ZNF48: variants seen among roughly 807,000 people sequenced by gnomAD.
ZNF48 encodes the protein zinc finger protein 553.
A neutral mutation model predicts 40.0 loss-of-function variants in ZNF48; 20 were observed. The ratio of observed to expected loss-of-function variants is 0.50; its 90% CI spans 0.35 to 0.73. The LOEUF is 0.73. ZNF48 is among the 30% of genes least tolerant of loss of function. The pLI, the probability that ZNF48 is intolerant of heterozygous loss-of-function variation, is 0.01. For missense variants in ZNF48, 726 were observed against 851.9 expected (o/e 0.85, Z 1.84); for synonymous variants, 298 against 329.7 (o/e 0.90, Z 1.04).
In ZNF48 at chr16:30,399,371, G is replaced by A; in HGVS notation, c.*264G>A. The A allele has an allele frequency of 5.3e-6, 2 of 380,302 alleles. No homozygotes were observed. Among genetic ancestry groups the A allele is most frequent in the East Asian group, 4.0e-5 (1 of 24,830 alleles). The allele number at this position is 380,302 out of a possible 1,614,324, so 23.6% of individuals were successfully genotyped here. A position where few individuals can be genotyped will look rare whatever the true frequency, so the allele number is the denominator to read the frequency against. ...ACACAGTAGGCATTCAATACTTGTT[G>A]AATAAATAAACTGGCTTTCACCTAA... On this transcript the variant is annotated 3_prime_UTR_variant, in exon 3 of 3. Coordinates refer to ENST00000613509, the MANE Select transcript of ZNF48 (RefSeq NM_001214909.2).
At chr16:30,389,296 C>T (rs541442692) in intron 1 of ZNF48, among the ~76,000 whole-genome samples, 1 of 151,570 alleles carries the variant, frequency 6.6e-6, no homozygotes, top group East Asian at 1.9e-4. Flanking sequence ...GAGGCTGAGG[C>T]AGGAGAATGG....
Position 30,382,349 on chromosome 16 carries a change from C to G in ZNF48, c.-16+3939C>G. ...CAGCTGGTTGGGGAGGGCAGCAAAA[C>G]CCACGTACTCCTTGTCCTATGGATG... On this transcript the variant is annotated intron_variant, in intron 1 of 2. Transcript: ENST00000528032. The surrounding 1 kb of genome is among the most constrained non-coding windows in gnomAD (Gnocchi z 4.8). The G allele has an allele frequency of 6.2e-7, 1 of 1,612,640 alleles. No individual in the cohort carries two copies.
upstream of ZNF48, chr16:30,395,399 C>G: frequency 2.6e-6 from 1 of 378,662 alleles, no homozygotes. The surrounding 1 kb of genome is among the most constrained non-coding windows in gnomAD (Gnocchi z 5.9). Context: ...CTCCGTGCGG[C>G]CCCGCGCTTC....
In ZNF48 at chr16:30,395,446, A is replaced by T. The variant is rs2049973152; in HGVS notation, c.-148A>T. On this transcript the variant is annotated 5_prime_UTR_variant, in exon 1 of 3. Transcript: ENST00000613509. This position sits in a 1 kb window ranked among gnomAD's most constrained non-coding sequence, Gnocchi z 5.9. Reference sequence around the variant, plus strand: ...CCCGCCCCCGGTGGCCGCCCCCGGGACGCCTGGGTCCGAGCCCGCTCCCGG... The same window carrying T: ...CCCGCCCCCGGTGGCCGCCCCCGGGTCGCCTGGGTCCGAGCCCGCTCCCGG... 2.8e-6 allele frequency: 1 copy of T among 353,582 alleles called. No individual in the cohort carries two copies. The highest frequency in any genetic ancestry group is 5.5e-6 in the Non-Finnish European group (1 of 181,102). 21.9% of individuals were successfully genotyped at this position (353,582 alleles called of 1,614,324 possible). A position where few individuals can be genotyped will look rare whatever the true frequency, so the allele number is the denominator to read the frequency against.
upstream of ZNF48, among the ~76,000 whole-genome samples, chr16:30,392,144 T>C (rs1270398443): frequency 1.3e-5 from 2 of 152,226 alleles, no homozygotes; most frequent in Admixed American, 6.5e-5. Flanking sequence ...TGCTTCAGCC[T>C]CCTGAGTATC....
In ZNF48 at chr16:30,398,847, C is replaced by T. The variant is rs774879292; in HGVS notation, c.1597C>T (p.Arg533Trp). Residue 533 changes from arginine to tryptophan, a missense_variant, in exon 3 of 3, where the codon CGG (arginine) becomes TGG (tryptophan). Transcript: ENST00000613509. The surrounding 1 kb of genome is among the most constrained non-coding windows in gnomAD (Gnocchi z 6.6). ...PVPMAPRPRV[R>W]AQPSGPSQPH... is the part of the protein sequence containing the mutation. ...ACCCATGGCCCCTCGACCCCGAGTT[C>T]GGGCCCAGCCTTCTGGACCCAGCCA... is the stretch of plus-strand genomic sequence containing the variant. 16 of 1,613,796 alleles carry T rather than the reference C, an allele frequency of 9.9e-6. No homozygotes were observed. In the Admixed American group the frequency reaches 1.3e-4, roughly 13 times the overall value.
chr16:30,378,659 A>G (rs750727995), intron 1 of ZNF48: 3 of 1,609,866 alleles, frequency 1.9e-6, no homozygotes, highest in African/African-American at 2.7e-5. Flanking sequence ...CAGAGGCAGC[A>G]TGGGCAGCGG....
At chr16:30,394,028 CTCT>C (rs1305147997), upstream of ZNF48, among the ~76,000 whole-genome samples, 4 of 151,362 alleles carry the variant, frequency 2.6e-5, no homozygotes, top group African/African-American at 9.7e-5. Flanking sequence ...CATTCTCTCT[CTCT>C]TTTTTTTTTT....
chr16:30,389,522 G>A (rs2049926373), intron 1 of ZNF48, among the ~76,000 whole-genome samples: 1 of 150,292 alleles, frequency 6.7e-6, no homozygotes, highest in Non-Finnish European at 1.5e-5. Flanking sequence ...GTGGTGAGCC[G>A]AGATCGTGCC....
At position 30,381,743 on chromosome 16, in the gene ZNF48, C is replaced by T. The variant is rs924064517; in HGVS notation, c.-16+3333C>T. 1.7e-5 allele frequency: 27 copies of T among 1,613,436 alleles called. 1 individual carries two copies. In the Admixed American group the frequency reaches 2.5e-4, roughly 15 times the overall value. ...ACTGTGAAAGGCTGAGCCTCTGTCC[C>T]CTTTCCTCTTCCTCACCAGTCAGAG... On this transcript the variant is annotated intron_variant, in intron 1 of 2. Coordinates refer to the ZNF48 transcript ENST00000528032. The surrounding 1 kb of genome is among the most constrained non-coding windows in gnomAD (Gnocchi z 4.3).
chr16:30,378,318 C>T, exon 1 of ZNF48: 3 of 1,035,470 alleles, frequency 2.9e-6, no homozygotes, highest in Non-Finnish European at 4.1e-6. Context: ...CCCCCTAGCC[C>T]GCGCGAGGGC....
At chr16:30,391,064 C>T (rs183813663), upstream of ZNF48, among the ~76,000 whole-genome samples, 20 of 151,796 alleles carry the variant, frequency 1.3e-4, no homozygotes, top group East Asian at 3.9e-3. Flanking sequence ...CTATCTTCAT[C>T]TTTCACTGCT....
rs776018500 is a variant in ZNF48 at position 30,398,062 on chromosome 16, A to C, written c.812A>C (p.Gln271Pro). Residue 271 changes from glutamine (Q) to proline (P), a missense_variant, in exon 3 of 3, where the codon CAG (glutamine) becomes CCG (proline). Coordinates refer to ENST00000613509, the MANE Select transcript of ZNF48 (RefSeq NM_001214909.2). This position sits in a 1 kb window ranked among gnomAD's most constrained non-coding sequence, Gnocchi z 6.6. ...ATAATQGPKA[Q>P]DKPYICTDCG... is the part of the protein sequence containing the mutation. ...GCAGCTACCCAGGGACCGAAGGCCCAGGACAAGCCATATATCTGCACTGAT... is the reference window on the plus strand; with the variant it reads ...GCAGCTACCCAGGGACCGAAGGCCCCGGACAAGCCATATATCTGCACTGAT... The C allele has an allele frequency of 1.2e-6, 2 of 1,612,670 alleles. No individual in the cohort carries two copies. The highest frequency in any genetic ancestry group is 1.7e-6 in the Non-Finnish European group (2 of 1,179,224).
At chr16:30,388,337 T>C (rs1467443281) in intron 1 of ZNF48, among the ~76,000 whole-genome samples, 3 of 152,094 alleles carry the variant, frequency 2.0e-5, no homozygotes, top group African/African-American at 7.2e-5. Flanking sequence ...TTAGTTTTTG[T>C]GTTTGTTTTA....
chr16:30,393,446 G>T (rs754665916), upstream of ZNF48, among the ~76,000 whole-genome samples: 5 of 151,032 alleles, frequency 3.3e-5, no homozygotes, highest in Non-Finnish European at 7.4e-5. Flanking sequence ...ATGCAGTGGC[G>T]TGATCTCGGC....
At chr16:30,394,714 C>T (rs2049966072), upstream of ZNF48, 1 of 155,334 alleles carries the variant, frequency 6.4e-6, no homozygotes, top group African/African-American at 2.4e-5. Context: ...ATCTCTTATC[C>T]GTTTCTACGT....
In ZNF48 at chr16:30,399,070, G is replaced by A. The variant is rs780691650; in HGVS notation, c.1820G>A (p.Arg607Lys). 6 of 1,604,296 alleles carry A rather than the reference G, an allele frequency of 3.7e-6. No homozygotes were observed. In the Admixed American group the frequency reaches 8.4e-5, roughly 22 times the overall value. The change falls in exon 3 of 3, where the codon AGG becomes AAG. Residue 607 changes from arginine to lysine, a missense_variant. Transcript: ENST00000613509. ...TTTGGGATAGGGGATGGTAGGGCAAGGCCCCTCAAGCAGGAGGCAGCAACA... is the reference window on the plus strand; with the variant it reads ...TTTGGGATAGGGGATGGTAGGGCAAAGCCCCTCAAGCAGGAGGCAGCAACA... ...TPFGIGDGRARPLKQEAATGL... is the reference protein window; with the variant it reads ...TPFGIGDGRAKPLKQEAATGL...
At chr16:30,379,349 C>T in intron 1 of ZNF48, 1 of 1,440,670 alleles carries the variant, frequency 6.9e-7, no homozygotes, top group Non-Finnish European at 9.7e-7. Context: ...GACCAAAGCC[C>T]ACCCCAACTT....
Position 30,397,553 on chromosome 16 carries a change from A to C in ZNF48, c.303A>C (p.Pro101=). ...GAGGCCCCCGGCTCCTGGGTGAACCACGCTGGGGCCAGGCTAGTAGTGATC... is the reference window on the plus strand; with the variant it reads ...GAGGCCCCCGGCTCCTGGGTGAACCCCGCTGGGGCCAGGCTAGTAGTGATC... ...RDRGPRLLGE[P]RWGQASSDRA... Residue 101 remains proline, a synonymous_variant, in exon 3 of 3, where the codon CCA becomes CCC. Transcript: ENST00000613509. The surrounding 1 kb of genome is among the most constrained non-coding windows in gnomAD (Gnocchi z 4.1). 1 of 1,614,094 alleles carries C rather than the reference A, an allele frequency of 6.2e-7. No homozygotes were observed. The highest frequency in any genetic ancestry group is 8.5e-7 in the Non-Finnish European group (1 of 1,180,000).
Sources: gnomAD v4.1 joint callset for allele counts (sites outside exome capture counted in the v4.1 genomes callset) on GRCh38, gnomAD v4.1.1 for gene constraint, Gnocchi (gnomAD v3.1) non-coding constraint, MANE v1.5 for transcripts, NCBI Gene and HGNC (gene_info 2026-07-23, HGNC 2026-07-21) for gene names.